The following PIK3CD variants were observed in gnomAD, a reference collection of about 807,000 sequenced individuals.
PIK3CD encodes phosphatidylinositol 4,5-bisphosphate 3-kinase catalytic subunit delta isoform.
In PIK3CD, 20 loss-of-function variants were observed where a neutral mutation model predicts 122.9. That is an observed-to-expected ratio of 0.16 (90% CI 0.11 to 0.24). The LOEUF (loss-of-function observed/expected upper bound fraction) is 0.24. Ranked by LOEUF, PIK3CD falls within the 10% of genes least tolerant of loss-of-function variation. The pLI is 1.00. For missense variants in PIK3CD, 787 were observed against 1,406.3 expected (o/e 0.56, Z 7.04); for synonymous variants, 596 against 593.4 (o/e 1.00, Z -0.06).
In PIK3CD at chr1:9,723,844, T is replaced by C. The variant is rs1045928188; in HGVS notation, c.2595-125T>C. The C allele has an allele frequency of 1.3e-5, 11 of 855,366 alleles. No individual in the cohort carries two copies. Among genetic ancestry groups the C allele is most frequent in the Middle Eastern group, 3.0e-4 (1 of 3,328 alleles). The allele number at this position is 855,366 out of a possible 1,614,324, so 53.0% of individuals were successfully genotyped here. On this transcript the variant is annotated intron_variant, in intron 20 of 23. Transcript: ENST00000377346. The surrounding 1 kb of genome is among the most constrained non-coding windows in gnomAD (Gnocchi z 4.9). ...GCAAGCGATGTCCAGCATTGTGTCC[T>C]CCATGTTCTGTTGGTCAAAGCAAGT...
Position 9,722,857 on chromosome 1 carries a change from G to C in PIK3CD, c.2426+251G>C, listed in dbSNP as rs1648905505. The stretch of plus-strand genomic sequence containing the variant: ...TGCCCAGGTGCCCCTGGCTTCCCCA[G>C]CCCATCTTGGGAAGCAGTGGCGTCT... On this transcript the variant is annotated intron_variant, in intron 19 of 23. Coordinates refer to ENST00000377346, the MANE Select transcript of PIK3CD (RefSeq NM_005026.5). This position sits in a 1 kb window ranked among gnomAD's most constrained non-coding sequence, Gnocchi z 7.6. 6.6e-6 allele frequency among the ~76,000 whole-genome samples: 1 copy of C among 152,156 alleles called. No individual in the cohort carries two copies.
At position 9,727,147 on chromosome 1, in the gene PIK3CD, G is replaced by A. The variant is rs1038254530; in HGVS notation, c.*101G>A. 33 of 1,346,302 alleles carry A rather than the reference G, an allele frequency of 2.5e-5. No individual in the cohort carries two copies. The highest frequency in any genetic ancestry group is 6.0e-5 in the South Asian group (5 of 83,308). 83.4% of individuals were successfully genotyped at this position (1,346,302 alleles called of 1,614,324 possible). ...CTGAAGAGCCTGAACTGCACCTAAC[G>A]GGAAAGAACCGACATGGCTGCCTTT... On this transcript the variant is annotated 3_prime_UTR_variant, in exon 24 of 24. Transcript: ENST00000377346.
chr1:9,658,379 C>T (rs887384051), intron 1 of PIK3CD, among the ~76,000 whole-genome samples: 1 of 125,834 alleles, frequency 7.9e-6, no homozygotes, highest in Non-Finnish European at 1.6e-5. Flanking sequence ...GAGCGAGACC[C>T]TGTCTCAAAA....
chr1:9,693,293 C>T (rs1262360934), intron 2 of PIK3CD, among the ~76,000 whole-genome samples: 1 of 152,130 alleles, frequency 6.6e-6, no homozygotes, highest in Admixed American at 6.6e-5. Flanking sequence ...GATGCAATCT[C>T]AGCTCACTGC....
chr1:9,675,994 C>T (rs1442780716), intron 1 of PIK3CD, among the ~76,000 whole-genome samples: 1 of 149,304 alleles, frequency 6.7e-6, no homozygotes, highest in African/African-American at 2.5e-5. Flanking sequence ...TGCAATGGCA[C>T]AGTCTCGGCC....
rs1297539172 is a variant in PIK3CD, at chr1:9,704,350, C to T, written c.-32-6074C>T. Among the ~76,000 whole-genome samples the T allele has an allele frequency of 1.3e-5, 2 of 152,130 alleles. No homozygotes were observed. Among genetic ancestry groups the T allele is most frequent in the Non-Finnish European group, 2.9e-5 (2 of 68,028 alleles). On this transcript the variant is annotated intron_variant, in intron 2 of 23. Coordinates refer to ENST00000377346, the MANE Select transcript of PIK3CD (RefSeq NM_005026.5). This position sits in a 1 kb window ranked among gnomAD's most constrained non-coding sequence, Gnocchi z 5.0. Reference sequence around the variant, plus strand: ...GAACCCAGGCTGTGGGTTGGAGTCCCTGGGAGCTCATGCCTCATGTGCTCA... The same window carrying T: ...GAACCCAGGCTGTGGGTTGGAGTCCTTGGGAGCTCATGCCTCATGTGCTCA...
rs1644696770 is a variant in PIK3CD, at chr1:9,652,226, G to A, written c.-138+424G>A. On this transcript the variant is annotated intron_variant, in intron 1 of 23. Coordinates refer to ENST00000377346, the MANE Select transcript of PIK3CD (RefSeq NM_005026.5). This position sits in a 1 kb window ranked among gnomAD's most constrained non-coding sequence, Gnocchi z 6.2. ...GTGCGCCCGCTCCGAGCGCTGACTA[G>A]AGGACCAGGGGCCTCCTCTGTACGG... Among the ~76,000 whole-genome samples, 1 of 152,222 alleles carries A rather than the reference G, an allele frequency of 6.6e-6. No homozygotes were observed. Among genetic ancestry groups the A allele is most frequent in the South Asian group, 2.1e-4 (1 of 4,836 alleles).
intron 1 of PIK3CD, chr1:9,688,226 A>G: frequency 6.6e-6 from 1 of 152,398 alleles, no homozygotes; most frequent in Middle Eastern, 3.4e-3. Flanking sequence ...GTGTTCTTCA[A>G]ACCACCTTCT....
the PIK3CD span, among the ~76,000 whole-genome samples, chr1:9,630,430 C>G: frequency 6.6e-6 from 1 of 152,248 alleles, no homozygotes; most frequent in Non-Finnish European, 1.5e-5. Flanking sequence ...GACCACATCA[C>G]TCATGTATTC....
In PIK3CD at chr1:9,720,540, T is replaced by C. The variant is rs371870925; in HGVS notation, c.1471-71T>C. 3.0e-3 allele frequency: 4,639 copies of C among 1,546,184 alleles called. 92 individuals carry two copies. The East Asian group carries it at 0.046, about 15-fold the overall frequency. ...CCCTCAAGGATGATTGGGGTGGCAA[T>C]GCCCGGCCTGGGGGTCCTGCCCGGG... is the stretch of plus-strand genomic sequence containing the variant. On this transcript the variant is annotated intron_variant, in intron 11 of 23. Transcript: ENST00000377346. The surrounding 1 kb of genome is among the most constrained non-coding windows in gnomAD (Gnocchi z 9.0).
intron 2 of PIK3CD, among the ~76,000 whole-genome samples, chr1:9,697,039 A>G (rs979425545): frequency 6.8e-6 from 1 of 147,278 alleles, no homozygotes; most frequent in Non-Finnish European, 1.5e-5. Context: ...ACTCCAGCCT[A>G]GGGGACAGAG....
intron 23 of PIK3CD, among the ~76,000 whole-genome samples, chr1:9,725,688 C>T (rs1649441032): frequency 6.6e-6 from 1 of 151,970 alleles, no homozygotes; most frequent in Non-Finnish European, 1.5e-5. Context: ...ATCAGCCTGA[C>T]CAACATGGTG....
the PIK3CD span, among the ~76,000 whole-genome samples, chr1:9,635,383 C>G: frequency 1.3e-5 from 2 of 152,012 alleles, no homozygotes; most frequent in African/African-American, 2.4e-5. Flanking sequence ...GATTCTCCCC[C>G]ACTCTCTCTT....
At chr1:9,680,120 T>G (rs1645694225) in intron 1 of PIK3CD, among the ~76,000 whole-genome samples, 2 of 152,078 alleles carry the variant, frequency 1.3e-5, no homozygotes, top group African/African-American at 4.8e-5. Context: ...CCATCATGCC[T>G]GGCCTAATGG....
At chr1:9,644,516 CAAAT>C in the PIK3CD span, among the ~76,000 whole-genome samples, 26,666 of 145,408 alleles carry the variant, frequency 0.18, 2,828 homozygotes, top group East Asian at 0.52. Context: ...GACTCCGTCT[CAAAT>C]AAATAAATAA....
At chr1:9,638,587 C>T in the PIK3CD span, among the ~76,000 whole-genome samples, 923 of 151,702 alleles carry the variant, frequency 6.1e-3, 10 homozygotes, top group African/African-American at 0.022. Context: ...AAAAAGTTAG[C>T]GGGGTGTGGT....
the PIK3CD span, among the ~76,000 whole-genome samples, chr1:9,644,150 A>C: frequency 1.3e-5 from 2 of 152,164 alleles, no homozygotes; most frequent in African/African-American, 2.4e-5. Context: ...TTGTGAGAAG[A>C]AGCTGTGAGT....
chr1:9,706,009 ATTTAAT>A (rs1646816431), intron 2 of PIK3CD, among the ~76,000 whole-genome samples: 1 of 146,100 alleles, frequency 6.8e-6, no homozygotes, highest in Admixed American at 6.8e-5. Context: ...ATTTTAAAAC[ATTTAAT>A]TTAATTTAAA....
At chr1:9,725,328 C>T (rs1447169339) in intron 23 of PIK3CD, among the ~76,000 whole-genome samples, 5 of 152,014 alleles carry the variant, frequency 3.3e-5, no homozygotes, top group African/African-American at 9.7e-5. Flanking sequence ...CCGAGGTGGG[C>T]GGATCACCTG....
Sources: gnomAD v4.1 joint callset for allele counts (sites outside exome capture counted in the v4.1 genomes callset) on GRCh38, gnomAD v4.1.1 for gene constraint, Gnocchi (gnomAD v3.1) non-coding constraint, MANE v1.5 for transcripts, NCBI Gene and HGNC (gene_info 2026-07-23, HGNC 2026-07-21) for gene names.